CCDC34: variants seen among roughly 807,000 people sequenced by gnomAD.
The protein encoded by CCDC34 is coiled-coil domain-containing protein 34.
A neutral mutation model predicts 44.1 loss-of-function variants in CCDC34; 40 were observed. The observed-to-expected ratio is 0.91, with a 90% CI of 0.70 to 1.18. CCDC34 has a LOEUF of 1.18. Among genes scored for constraint, CCDC34 ranks in the 50% most tolerant of loss-of-function variants. CCDC34 has a pLI of 0.00. For synonymous variants in CCDC34, 159 were observed against 158.2 expected, an observed-to-expected ratio of 1.01 and a Z score of -0.04; for missense variants, 466 against 452.3, an observed-to-expected ratio of 1.03 and a Z score of -0.28.
chr11:27,357,289 C>A lies in CCDC34; in HGVS notation c.498+114G>T, dbSNP rs190691085. The A allele has an allele frequency of 1.3e-3, 1,285 of 993,492 alleles. 9 individuals carry two copies. The African/African-American group carries it at 0.019, about 14-fold the overall frequency. The allele number at this position is 993,492 out of a possible 1,614,324, so 61.5% of individuals were successfully genotyped here. On this transcript the variant is annotated intron_variant, in intron 2 of 5. Transcript: ENST00000328697. ...TATTAAATTTGATATAGTAAACTAA[C>A]ATAAATGCAAAGACTTTGTTTTCAG...
chr11:27,348,911 T>C (rs1862469013), intron 3 of CCDC34: 1 of 983,906 alleles, frequency 1.0e-6, no homozygotes, highest in Non-Finnish European at 1.2e-6. Context: ...ATTCTCAACA[T>C]TACGGAATTT....
At chr11:27,342,688 G>A (rs1206489318) in intron 3 of CCDC34, among the ~76,000 whole-genome samples, 5 of 152,072 alleles carry the variant, frequency 3.3e-5, no homozygotes, top group African/African-American at 1.2e-4. Flanking sequence ...TTTGCACTAC[G>A]ACAGCAAAGC....
At chr11:27,340,890 C>A (rs940424851) in intron 4 of CCDC34, 53 bp from the exon 5 acceptor site, 47 of 1,551,972 alleles carry the variant, frequency 3.0e-5, no homozygotes, top group Non-Finnish European at 1.7e-6. Context: ...ACTATACATT[C>A]CATTCAAATT....
In CCDC34 at chr11:27,340,716, T is replaced by C. The variant is rs1452216098; in HGVS notation, c.887A>G (p.Tyr296Cys). Residue 296 changes from tyrosine (Y) to cysteine (C), a missense_variant, in exon 5 of 6, where the codon TAT becomes TGT. Tyr to Cys is a radical substitution (Grantham distance 194). Transcript: ENST00000328697. ...KPRPAAKSYG[Y>C]ANGKLTGFYS... ...CCAACCTGTAAGTTTTCCATTGGCA[T>C]AACCATAGCTCTTTGCAGCTGGACG... 14 of 1,609,238 alleles carry C rather than the reference T, an allele frequency of 8.7e-6. No homozygotes were observed. The highest frequency in any genetic ancestry group is 2.7e-5 in the African/African-American group (2 of 74,772).
chr11:27,346,418 G>C (rs1250161947), intron 3 of CCDC34, among the ~76,000 whole-genome samples: 1 of 144,760 alleles, frequency 6.9e-6, no homozygotes, highest in Non-Finnish European at 1.5e-5. Context: ...CAGAAGAGAG[G>C]GAAACAGGAG....
chr11:27,356,266 T>C (rs1475838464), intron 2 of CCDC34, among the ~76,000 whole-genome samples: 1 of 151,922 alleles, frequency 6.6e-6, no homozygotes, highest in African/African-American at 2.4e-5. Context: ...TCCACCTGCC[T>C]CGGCCTCCCA....
At position 27,350,360 on chromosome 11, in the gene CCDC34, T is replaced by C; in HGVS notation, c.578A>G (p.Lys193Arg). 6.2e-7 allele frequency: 1 copy of C among 1,613,986 alleles called. No individual in the cohort carries two copies. The highest frequency in any genetic ancestry group is 8.5e-7 in the Non-Finnish European group (1 of 1,179,946). The change falls in exon 3 of 6, where the codon AAG becomes AGG. Residue 193 changes from lysine (K) to arginine (R), a missense_variant. Coordinates refer to ENST00000328697, the MANE Select transcript of CCDC34 (RefSeq NM_030771.2). ...CTCATTCTTTTTCTGAACCCATTCC[T>C]TGTGCTTTTCTTCAGCAATTATCTT... is the stretch of plus-strand genomic sequence containing the variant. ...KRKIIAEEKH[K>R]EWVQKKNEQK...
At chr11:27,361,125 C>T (rs1862657660) in intron 1 of CCDC34, among the ~76,000 whole-genome samples, 1 of 152,226 alleles carries the variant, frequency 6.6e-6, no homozygotes. Flanking sequence ...TGCTTGACAA[C>T]TTCAGCATTC....
chr11:27,345,241 T>C (rs1862415996), intron 3 of CCDC34, among the ~76,000 whole-genome samples: 1 of 152,150 alleles, frequency 6.6e-6, no homozygotes, highest in Non-Finnish European at 1.5e-5. Flanking sequence ...AAGAAAACAG[T>C]GGAGAGTATT....
chr11:27,342,569 C>T (rs568389337), intron 3 of CCDC34, among the ~76,000 whole-genome samples: 26 of 151,990 alleles, frequency 1.7e-4, no homozygotes, highest in Admixed American at 5.2e-4. Flanking sequence ...GGGTGGCAAA[C>T]TAAGCACTGA....
At chr11:27,346,604 T>TA (rs1469378105) in intron 3 of CCDC34, among the ~76,000 whole-genome samples, 1 of 152,118 alleles carries the variant, frequency 6.6e-6, no homozygotes, top group African/African-American at 2.4e-5. Flanking sequence ...CATATCTTAA[T>TA]AATAAGCCAT....
chr11:27,359,832 C>T (rs1293047595), intron 1 of CCDC34, among the ~76,000 whole-genome samples: 1 of 152,184 alleles, frequency 6.6e-6, no homozygotes, highest in Non-Finnish European at 1.5e-5. Flanking sequence ...ATGACGAACT[C>T]CTACTGTCCC....
intron 2 of CCDC34, 108 bp from the exon 3 acceptor site, chr11:27,350,547 T>C: frequency 2.8e-6 from 3 of 1,081,726 alleles, no homozygotes; most frequent in Non-Finnish European, 3.9e-6. Flanking sequence ...TATAGTTTCC[T>C]TTATGGAGCA....
rs558676755 is a variant in CCDC34, at chr11:27,347,536, T to C, written c.606+2796A>G. ...AAACAGATAAACATATTCTATGAAATGTATTTCATAGAATACTATAGTCAG... is the reference window on the plus strand; with the variant it reads ...AAACAGATAAACATATTCTATGAAACGTATTTCATAGAATACTATAGTCAG... On this transcript the variant is annotated intron_variant, in intron 3 of 5. Coordinates refer to ENST00000328697, the MANE Select transcript of CCDC34 (RefSeq NM_030771.2). 1.4e-4 allele frequency among the ~76,000 whole-genome samples: 21 copies of C among 152,246 alleles called. No homozygotes were observed. The South Asian group carries it at 3.7e-3, about 27-fold the overall frequency.
chr11:27,347,915 TCAGA>T (rs1387974065), intron 3 of CCDC34, among the ~76,000 whole-genome samples: 1 of 151,832 alleles, frequency 6.6e-6, no homozygotes, highest in Non-Finnish European at 1.5e-5. Context: ...TGAAAAAAAA[TCAGA>T]CAGACTTCTG....
chr11:27,352,054 T>C (rs2133345731), intron 2 of CCDC34, among the ~76,000 whole-genome samples: 1 of 152,056 alleles, frequency 6.6e-6, no homozygotes. Flanking sequence ...TGACGAAGAG[T>C]GTGCCATAGT....
chr11:27,344,370 C>T, intron 3 of CCDC34, among the ~76,000 whole-genome samples: 1 of 148,224 alleles, frequency 6.7e-6, no homozygotes, highest in Non-Finnish European at 1.5e-5. Flanking sequence ...ATGCATGCTG[C>T]ATGTTATAAA....
intron 3 of CCDC34, chr11:27,349,911 T>C: frequency 9.8e-7 from 1 of 1,017,886 alleles, no homozygotes. Flanking sequence ...AAGGAGGAGA[T>C]GATTAGGAAC....
rs770136247 is a variant in CCDC34 at position 27,362,822 on chromosome 11, G to A, written c.359+14C>T. The stretch of plus-strand genomic sequence containing the variant: ...TTGAAAAGGGCTGAATCGGCCGGGC[G>A]GCCTCGGGTTTACCTGGCGCACCCC... On this transcript the variant is annotated intron_variant, in intron 1 of 5. Transcript: ENST00000328697. 3.7e-6 allele frequency: 6 copies of A among 1,609,738 alleles called. No homozygotes were observed. In the East Asian group the frequency reaches 8.9e-5, roughly 24 times the overall value.
Sources: allele counts gnomAD v4.1 joint callset (sites outside exome capture counted in the v4.1 genomes callset), GRCh38; gene constraint gnomAD v4.1.1; transcripts MANE v1.5; gene names NCBI Gene and HGNC (gene_info 2026-07-23, HGNC 2026-07-21).